Variants in DACH2 observed in about 807,000 individuals in gnomAD.
DACH2 encodes the protein dachshund homolog 2.
Under a neutral mutation model 35.8 loss-of-function variants are expected in DACH2, and 17 were observed. The ratio of observed to expected loss-of-function variants is 0.48; its 90% CI spans 0.33 to 0.71. DACH2 has a LOEUF of 0.71. Ranked by LOEUF, DACH2 falls within the 30% of genes least tolerant of loss-of-function variation. DACH2 has a pLI of 0.02. For synonymous variants in DACH2, 195 were observed against 177.3 expected (o/e 1.10, Z -0.79); for missense variants, 469 against 472.7 (o/e 0.99, Z 0.07).
At chrX:86,827,695 C>G in intron 11 of DACH2, 4 of 928,627 alleles carry the variant, frequency 4.3e-6, no homozygotes, top group Non-Finnish European at 6.1e-6. Flanking sequence ...CAGTGAAGTG[C>G]ATTGAGTAGA....
intron 2 of DACH2, among the ~76,000 whole-genome samples, chrX:86,420,633 C>T (rs758601063): frequency 5.4e-4 from 60 of 111,255 alleles, no homozygotes; most frequent in African/African-American, 1.9e-3. Flanking sequence ...AGAAAATTGA[C>T]CCTCTGTGTA....
At chrX:86,785,720 C>A (rs959073168) in intron 7 of DACH2, among the ~76,000 whole-genome samples, 1 of 111,311 alleles carries the variant, frequency 9.0e-6, no homozygotes, top group Admixed American at 9.6e-5. Context: ...ACCTTAGGAG[C>A]ATAATTCATC....
chrX:86,611,764 C>G (rs2039947955), intron 3 of DACH2, among the ~76,000 whole-genome samples: 1 of 111,367 alleles, frequency 9.0e-6, no homozygotes, highest in South Asian at 3.8e-4. Context: ...CACAGACTCT[C>G]TGTCTACACC....
At chrX:86,180,202 A>ATATATATATATT (rs1338071562) in intron 1 of DACH2, among the ~76,000 whole-genome samples, 8 of 89,050 alleles carry the variant, frequency 9.0e-5, no homozygotes, top group African/African-American at 3.3e-4. Flanking sequence ...ATATATATAT[A>ATATATATATATT]TATATGGTTC....
At chrX:86,316,575 A>G (rs1164197258) in intron 1 of DACH2, among the ~76,000 whole-genome samples, 1 of 111,600 alleles carries the variant, frequency 9.0e-6, no homozygotes, top group Non-Finnish European at 1.9e-5. Flanking sequence ...TATCTTCTAC[A>G]ACTTATTTCT....
At chrX:86,279,834 G>A (rs1370069607) in intron 1 of DACH2, among the ~76,000 whole-genome samples, 2 of 109,133 alleles carry the variant, frequency 1.8e-5, no homozygotes, top group Non-Finnish European at 3.8e-5. Flanking sequence ...ATGACCTGAT[G>A]GAGCTGAAAA....
intron 3 of DACH2, among the ~76,000 whole-genome samples, chrX:86,550,697 C>T (rs920571641): frequency 1.8e-5 from 2 of 110,951 alleles, no homozygotes; most frequent in African/African-American, 6.5e-5. Flanking sequence ...TTTCTCTTTA[C>T]CAGTTACAAA....
intron 11 of DACH2, 73 bp from the exon 12 acceptor site, chrX:86,832,033 G>C (rs1055797920): frequency 1.0e-5 from 7 of 699,610 alleles, no homozygotes; most frequent in Non-Finnish European, 1.5e-5. Flanking sequence ...CCTGAAGATA[G>C]AAGTTTTAGT....
At chrX:86,416,652 A>T (rs1471833277) in intron 2 of DACH2, among the ~76,000 whole-genome samples, 1 of 111,589 alleles carries the variant, frequency 9.0e-6, no homozygotes, top group African/African-American at 3.3e-5. Flanking sequence ...CAGTTCTGCA[A>T]GCTGTATAAG....
chrX:86,317,680 T>A (rs920480779), intron 1 of DACH2, among the ~76,000 whole-genome samples: 1 of 112,330 alleles, frequency 8.9e-6, no homozygotes. Flanking sequence ...CACCTTTACA[T>A]AGGCCTTTTT....
intron 1 of DACH2, chrX:86,160,329 G>A (rs2030707507): frequency 2.0e-6 from 2 of 1,023,438 alleles, no homozygotes; most frequent in Non-Finnish European, 2.7e-6. Context: ...GCAACTGTCT[G>A]TCTCATATCA....
intron 3 of DACH2, among the ~76,000 whole-genome samples, chrX:86,522,090 TA>T (rs909103371): frequency 2.7e-5 from 3 of 111,929 alleles, no homozygotes; most frequent in Non-Finnish European, 5.7e-5. Flanking sequence ...AAAAGAAATT[TA>T]TTTTACTCTT....
intron 3 of DACH2, among the ~76,000 whole-genome samples, chrX:86,637,227 A>T (rs1309049813): frequency 1.1e-5 from 1 of 91,739 alleles, no homozygotes; most frequent in African/African-American, 3.9e-5. Flanking sequence ...AAAAAAAAAA[A>T]AAAAAAAAAA....
intron 7 of DACH2, among the ~76,000 whole-genome samples, chrX:86,768,530 T>G (rs894190073): frequency 9.0e-6 from 1 of 111,726 alleles, no homozygotes; most frequent in African/African-American, 3.3e-5. Context: ...GATTCATGGA[T>G]TTTTTTGTAG....
chrX:86,348,449 T>A (rs891901494), intron 1 of DACH2, among the ~76,000 whole-genome samples: 25 of 111,919 alleles, frequency 2.2e-4, no homozygotes, highest in Admixed American at 2.2e-3. Flanking sequence ...GAACCATAAA[T>A]GTATAGTCAT....
chrX:86,406,429 C>G (rs1022792296), intron 2 of DACH2, among the ~76,000 whole-genome samples: 3 of 111,918 alleles, frequency 2.7e-5, no homozygotes, highest in African/African-American at 9.8e-5. Context: ...CTCTTGAGTA[C>G]TATGTCCACT....
intron 2 of DACH2, among the ~76,000 whole-genome samples, chrX:86,391,650 C>T (rs189648789): frequency 4.3e-4 from 48 of 111,239 alleles, no homozygotes; most frequent in Admixed American, 1.1e-3. Flanking sequence ...TTACGAACAT[C>T]ACATAACCAA....
intron 7 of DACH2, among the ~76,000 whole-genome samples, chrX:86,758,632 T>C (rs982727030): frequency 8.9e-6 from 1 of 111,855 alleles, no homozygotes; most frequent in African/African-American, 3.2e-5. Flanking sequence ...TTGAGACTTA[T>C]TTTGTCTTCT....
intron 2 of DACH2, among the ~76,000 whole-genome samples, chrX:86,401,469 C>T (rs1032501745): frequency 1.9e-4 from 21 of 112,086 alleles, no homozygotes; most frequent in African/African-American, 6.8e-4. Context: ...TTCTGTGTCG[C>T]TCACGCTGGG....
Sources: allele counts gnomAD v4.1 joint callset (sites outside exome capture counted in the v4.1 genomes callset), GRCh38; gene constraint gnomAD v4.1.1; transcripts MANE v1.5; gene names NCBI Gene and HGNC (gene_info 2026-07-23, HGNC 2026-07-21).